SHISA9: variants seen among roughly 807,000 people sequenced by gnomAD.
SHISA9 encodes the protein shisa family member 9.
A neutral mutation model predicts 38.0 loss-of-function variants in SHISA9; 13 were observed. The ratio of observed to expected loss-of-function variants is 0.34; its 90% CI spans 0.22 to 0.54. The LOEUF (loss-of-function observed/expected upper bound fraction) is 0.54, where lower values mean the gene tolerates loss of function less well. Ranked by LOEUF, SHISA9 falls within the 20% of genes least tolerant of loss-of-function variation. The pLI, the probability that SHISA9 is intolerant of heterozygous loss-of-function variation, is 0.91. For missense variants in SHISA9, 538 were observed against 575.8 expected (o/e 0.93, Z 0.67); for synonymous variants, 275 against 242.0 (o/e 1.14, Z -1.27).
At chr16:13,284,879 G>A in the SHISA9 span, among the ~76,000 whole-genome samples, 25 of 152,312 alleles carry the variant, frequency 1.6e-4, no homozygotes, top group Non-Finnish European at 2.2e-4. Flanking sequence ...GATTACAGGC[G>A]TGAGCCACTG....
chr16:13,318,778 C>T, the SHISA9 span, among the ~76,000 whole-genome samples: 1 of 152,194 alleles, frequency 6.6e-6, no homozygotes, highest in Non-Finnish European at 1.5e-5. Context: ...ATAGAAGGTG[C>T]TTTACATTTG....
At chr16:13,455,394 C>G in the SHISA9 span, among the ~76,000 whole-genome samples, 1 of 152,184 alleles carries the variant, frequency 6.6e-6, no homozygotes, top group Admixed American at 6.5e-5. Flanking sequence ...ATATTGGCTT[C>G]AAGTGCACCT....
At chr16:13,397,961 G>A in the SHISA9 span, among the ~76,000 whole-genome samples, 2 of 152,184 alleles carry the variant, frequency 1.3e-5, no homozygotes, top group South Asian at 2.1e-4. Flanking sequence ...GGAGTGGGAA[G>A]GTGGTTTTTC....
At chr16:13,443,325 A>G in the SHISA9 span, among the ~76,000 whole-genome samples, 4 of 152,342 alleles carry the variant, frequency 2.6e-5, no homozygotes, top group African/African-American at 7.2e-5. Context: ...AGGATGTCAT[A>G]TAGACCAAAT....
At chr16:12,982,926 C>A (rs987859239) in intron 2 of SHISA9, among the ~76,000 whole-genome samples, 1 of 152,220 alleles carries the variant, frequency 6.6e-6, no homozygotes, top group African/African-American at 2.4e-5. Flanking sequence ...AAGGTGAAAT[C>A]TTCCCCATCC....
chr16:13,222,217 T>A (rs56287019), intron 4 of SHISA9, among the ~76,000 whole-genome samples: 1 of 151,716 alleles, frequency 6.6e-6, no homozygotes, highest in Non-Finnish European at 1.5e-5. Flanking sequence ...CCCAAGACAC[T>A]TGGGAATCAT....
chr16:13,322,244 G>C, the SHISA9 span, among the ~76,000 whole-genome samples: 2 of 152,214 alleles, frequency 1.3e-5, no homozygotes, highest in African/African-American at 2.4e-5. Context: ...TGATCCTAGA[G>C]TGATCTAATA....
intron 2 of SHISA9, among the ~76,000 whole-genome samples, chr16:13,078,649 G>A (rs1025042856): frequency 2.0e-5 from 3 of 152,056 alleles, no homozygotes; most frequent in Admixed American, 1.3e-4. Flanking sequence ...CATGTGACCC[G>A]CCCACCTTGG....
At chr16:13,444,277 G>C in the SHISA9 span, among the ~76,000 whole-genome samples, 1 of 152,024 alleles carries the variant, frequency 6.6e-6, no homozygotes, top group African/African-American at 2.4e-5. Flanking sequence ...ATGCTGAGGT[G>C]GGAGGATTGC....
At chr16:13,554,712 G>A in the SHISA9 span, among the ~76,000 whole-genome samples, 7 of 152,150 alleles carry the variant, frequency 4.6e-5, no homozygotes, top group South Asian at 2.1e-4. Flanking sequence ...GGCTGGTCTC[G>A]AACTCCTCAC....
At chr16:13,137,426 G>A (rs973591641) in intron 2 of SHISA9, among the ~76,000 whole-genome samples, 10 of 151,918 alleles carry the variant, frequency 6.6e-5, no homozygotes, top group South Asian at 2.1e-4. Flanking sequence ...AGGGAGGCTC[G>A]TTAGAGAGCC....
chr16:13,503,859 A>C, the SHISA9 span, among the ~76,000 whole-genome samples: 7 of 152,368 alleles, frequency 4.6e-5, no homozygotes, highest in Admixed American at 4.6e-4. Flanking sequence ...CAAGAATGGA[A>C]TAAGGGATGT....
chr16:13,088,985 A>G (rs2073744100), intron 2 of SHISA9, among the ~76,000 whole-genome samples: 1 of 152,208 alleles, frequency 6.6e-6, no homozygotes, highest in Non-Finnish European at 1.5e-5. Flanking sequence ...GATACGTTCC[A>G]TCAGTACCTA....
At chr16:12,961,511 C>T (rs760462747) in intron 2 of SHISA9, among the ~76,000 whole-genome samples, 10 of 152,192 alleles carry the variant, frequency 6.6e-5, no homozygotes, top group East Asian at 3.9e-4. Context: ...CACAATGGCA[C>T]GCTCTGCAGA....
chr16:13,449,136 G>A, the SHISA9 span, among the ~76,000 whole-genome samples: 1 of 152,112 alleles, frequency 6.6e-6, no homozygotes, highest in African/African-American at 2.4e-5. Flanking sequence ...CAAAGAATTT[G>A]TCCTGGGAAA....
chr16:13,522,724 T>A, the SHISA9 span, among the ~76,000 whole-genome samples: 1 of 152,176 alleles, frequency 6.6e-6, no homozygotes, highest in African/African-American at 2.4e-5. Context: ...CATCCCTTCC[T>A]TGAAAATGTC....
At chr16:13,057,734 G>A (rs1243084437) in intron 2 of SHISA9, among the ~76,000 whole-genome samples, 1 of 152,154 alleles carries the variant, frequency 6.6e-6, no homozygotes, top group Non-Finnish European at 1.5e-5. Flanking sequence ...ATGGTGGTTT[G>A]CTGCACCTAT....
intron 2 of SHISA9, among the ~76,000 whole-genome samples, chr16:12,994,505 T>C (rs1243301853): frequency 6.6e-6 from 1 of 152,152 alleles, no homozygotes; most frequent in African/African-American, 2.4e-5. Context: ...TTACTTGCCA[T>C]GAGAATGACA....
intron 2 of SHISA9, among the ~76,000 whole-genome samples, chr16:13,125,474 G>T (rs2050248403): frequency 6.6e-6 from 1 of 152,102 alleles, no homozygotes; most frequent in Non-Finnish European, 1.5e-5. Context: ...GCAAACGAGG[G>T]GTGGTAACAC....
Sources: gnomAD v4.1 joint callset for allele counts (sites outside exome capture counted in the v4.1 genomes callset) on GRCh38, gnomAD v4.1.1 for gene constraint, MANE v1.5 for transcripts, NCBI Gene and HGNC (gene_info 2026-07-23, HGNC 2026-07-21) for gene names.